PAPOLA: variants seen among roughly 807,000 people sequenced by gnomAD.
PAPOLA encodes the protein polynucleotide adenylyltransferase alpha.
PAPOLA carries 15 observed loss-of-function variants against 100.6 expected under a neutral mutation model. The observed-to-expected ratio is 0.15, with a 90% CI of 0.10 to 0.23. The LOEUF (loss-of-function observed/expected upper bound fraction) is 0.23, where lower values mean the gene tolerates loss of function less well. PAPOLA is among the 10% of genes least tolerant of loss of function. The probability of loss-of-function intolerance (pLI) is 1.00; values close to 1 mark genes in which losing one functional copy is unlikely to be tolerated. For missense variants in PAPOLA, 533 were observed against 884.2 expected (o/e 0.60, Z 5.04); for synonymous variants, 293 against 300.0 (o/e 0.98, Z 0.24).
chr14:96,532,202 T>C lies in PAPOLA; in HGVS notation c.608-129T>C, dbSNP rs184511005. ...CCAAATAAAAATTTATGTTTACTTT[T>C]AACTTCAATCTCAGAAAATTTGGAA... On this transcript the variant is annotated intron_variant, in intron 7 of 21. Coordinates refer to ENST00000216277, the MANE Select transcript of PAPOLA (RefSeq NM_032632.5). 19 of 1,410,374 alleles carry C rather than the reference T, an allele frequency of 1.3e-5. No individual in the cohort carries two copies. In the East Asian group the frequency reaches 3.9e-4, roughly 29 times the overall value. 87.4% of individuals were successfully genotyped at this position (1,410,374 alleles called of 1,614,324 possible). A position where few individuals can be genotyped will look rare whatever the true frequency, so the allele number is the denominator to read the frequency against.
rs779353082 is a variant in PAPOLA at position 96,502,503 on chromosome 14, C to T, written c.-90C>T. On this transcript the variant is annotated 5_prime_UTR_variant, in exon 1 of 22. Transcript: ENST00000216277. Reference sequence around the variant, plus strand: ...GACCCAGGGCTGAGGCAGGCCCCCCCCTCCCTCCCGCCTCAGTGGATCATG... The same window carrying T: ...GACCCAGGGCTGAGGCAGGCCCCCCTCTCCCTCCCGCCTCAGTGGATCATG... 1.2e-4 allele frequency: 126 copies of T among 1,047,294 alleles called. No homozygotes were observed. Among genetic ancestry groups the T allele is most frequent in the Non-Finnish European group, 9.3e-5 (66 of 708,142 alleles). The allele number at this position is 1,047,294 out of a possible 1,614,324, so 64.9% of individuals were successfully genotyped here. A position where few individuals can be genotyped will look rare whatever the true frequency, so the allele number is the denominator to read the frequency against.
intron 5 of PAPOLA, 59 bp downstream of exon 5, chr14:96,527,598 G>A: frequency 2.1e-6 from 2 of 941,056 alleles, no homozygotes; most frequent in Non-Finnish European, 1.7e-6. Context: ...AGTCAGTTGA[G>A]TGAATTTTAT....
intron 17 of PAPOLA, among the ~76,000 whole-genome samples, chr14:96,554,522 A>G (rs1290302751): frequency 6.6e-6 from 1 of 152,170 alleles, no homozygotes; most frequent in Non-Finnish European, 1.5e-5. Context: ...CAAAAATAAC[A>G]AGTCTTCGAA....
At chr14:96,512,627 C>T (rs1897178659) in intron 1 of PAPOLA, among the ~76,000 whole-genome samples, 1 of 152,174 alleles carries the variant, frequency 6.6e-6, no homozygotes, top group Non-Finnish European at 1.5e-5. Flanking sequence ...CAGCTATGAT[C>T]GTAATTATAT....
In PAPOLA at chr14:96,556,198, C is replaced by G; in HGVS notation, c.1789C>G (p.Gln597Glu). 6.2e-7 allele frequency: 1 copy of G among 1,614,092 alleles called. No homozygotes were observed. Among genetic ancestry groups the G allele is most frequent in the Non-Finnish European group, 8.5e-7 (1 of 1,179,996 alleles). ...AGGTACATCGAGTGAAAGCATTCCT[C>G]AAACTGCCACACAACCAGCCATTTC... Reference protein sequence around the residue: ...SGGTSSESIPQTATQPAISPP... With the variant: ...SGGTSSESIPETATQPAISPP... Residue 597 changes from glutamine to glutamate, a missense_variant, in exon 19 of 22, where the codon CAA becomes GAA. Physicochemically the swap from Gln to Glu is conservative, Grantham distance 29 (BLOSUM62 2). This residue lies in a region of PAPOLA where 242 missense variants were observed against 281.0 expected (regional missense o/e 0.86). Transcript: ENST00000216277.
chr14:96,543,768 CTAGT>C (rs1369438866), intron 14 of PAPOLA, among the ~76,000 whole-genome samples: 3 of 151,996 alleles, frequency 2.0e-5, no homozygotes, highest in Admixed American at 6.5e-5. Context: ...CTATTAAGTT[CTAGT>C]TAAATTTCTG....
intron 1 of PAPOLA, among the ~76,000 whole-genome samples, chr14:96,517,336 C>T (rs778956535): frequency 2.6e-5 from 4 of 152,104 alleles, no homozygotes; most frequent in Non-Finnish European, 5.9e-5. Context: ...ATGTGGTAAG[C>T]GTACTTTGTA....
intron 19 of PAPOLA, among the ~76,000 whole-genome samples, chr14:96,559,647 A>G (rs1392349594): frequency 6.7e-6 from 1 of 148,604 alleles, no homozygotes; most frequent in Non-Finnish European, 1.5e-5. Flanking sequence ...ATATGTATAT[A>G]TTTAAAACTT....
intron 12 of PAPOLA, among the ~76,000 whole-genome samples, chr14:96,540,060 G>A (rs1174326021): frequency 1.3e-5 from 2 of 152,080 alleles, no homozygotes; most frequent in African/African-American, 4.8e-5. Context: ...TATATACAGA[G>A]TAGGTACTCT....
intron 1 of PAPOLA, among the ~76,000 whole-genome samples, chr14:96,514,030 A>C (rs892155060): frequency 2.0e-5 from 3 of 152,320 alleles, no homozygotes; most frequent in Admixed American, 6.5e-5. Flanking sequence ...TGGACAGTCA[A>C]AGCCATTTGA....
chr14:96,546,262 G>A (rs1477570749), intron 15 of PAPOLA, among the ~76,000 whole-genome samples: 1 of 152,006 alleles, frequency 6.6e-6, no homozygotes, highest in Non-Finnish European at 1.5e-5. Context: ...CTGCTACTTA[G>A]TACTGTTCCC....
At chr14:96,540,547 A>T (rs1049078816) in intron 12 of PAPOLA, among the ~76,000 whole-genome samples, 16 of 152,144 alleles carry the variant, frequency 1.1e-4, no homozygotes, top group African/African-American at 3.6e-4. Context: ...TACACATAAA[A>T]TACATGATTT....
chr14:96,532,455 A>G lies in PAPOLA; in HGVS notation c.697+35A>G, dbSNP rs754410132. ...GAATTTGTTGGCTAGCTTATTAAAA[A>G]TGTTCAAACTTTTGTTCAACACTAA... On this transcript the variant is annotated intron_variant, in intron 8 of 21. Transcript: ENST00000216277. 6 of 1,606,046 alleles carry G rather than the reference A, an allele frequency of 3.7e-6. 1 individual carries two copies. Among genetic ancestry groups the G allele is most frequent in the African/African-American group, 2.7e-5 (2 of 74,318 alleles).
intron 1 of PAPOLA, among the ~76,000 whole-genome samples, chr14:96,511,995 G>A (rs1180263895): frequency 6.6e-6 from 1 of 152,114 alleles, no homozygotes; most frequent in Non-Finnish European, 1.5e-5. Flanking sequence ...ATAACCAAAA[G>A]CTAATTATTG....
At chr14:96,507,280 GTTTTTTTTTTTT>G (rs71103533) in intron 1 of PAPOLA, among the ~76,000 whole-genome samples, 2 of 80,722 alleles carry the variant, frequency 2.5e-5, no homozygotes, top group African/African-American at 5.7e-5. Flanking sequence ...TTGGAAAATA[GTTTTTTTTTTTT>G]TTTTTTTTTT....
At chr14:96,535,092 T>TAA in intron 10 of PAPOLA, 1 of 983,092 alleles carries the variant, frequency 1.0e-6, no homozygotes, top group Non-Finnish European at 1.2e-6. Context: ...CCATTCTGTT[T>TAA]CTTGGGAAGT....
intron 1 of PAPOLA, among the ~76,000 whole-genome samples, chr14:96,507,536 A>G (rs1453789232): frequency 1.3e-5 from 2 of 152,048 alleles, no homozygotes; most frequent in Non-Finnish European, 2.9e-5. Context: ...CGGCCTCCCA[A>G]AGTGCTGGGA....
chr14:96,559,384 G>GTAA, intron 19 of PAPOLA, among the ~76,000 whole-genome samples: 1 of 151,960 alleles, frequency 6.6e-6, no homozygotes, highest in Non-Finnish European at 1.5e-5. Context: ...GCCTCACTCA[G>GTAA]TAATGCACTA....
intron 1 of PAPOLA, among the ~76,000 whole-genome samples, chr14:96,515,176 C>T (rs1217329021): frequency 2.0e-5 from 3 of 152,114 alleles, no homozygotes; most frequent in Non-Finnish European, 4.4e-5. Flanking sequence ...AATTAAAAGG[C>T]ATGTATTCTA....
Sources: allele counts gnomAD v4.1 joint callset (sites outside exome capture counted in the v4.1 genomes callset), GRCh38; gene constraint gnomAD v4.1.1; regional missense constraint gnomAD v4.1.1; transcripts MANE v1.5; gene names NCBI Gene and HGNC (gene_info 2026-07-23, HGNC 2026-07-21).